The following SLC15A5 variants were observed in gnomAD, a reference collection of about 807,000 sequenced individuals.
The protein encoded by SLC15A5 is Peptide/histidine transporter ENSP00000340402.
Under a neutral mutation model 56.1 loss-of-function variants are expected in SLC15A5, and 58 were observed. That is an observed-to-expected ratio of 1.03 (90% CI 0.84 to 1.29). The LOEUF (loss-of-function observed/expected upper bound fraction) is 1.29, where lower values mean the gene tolerates loss of function less well. Ranked by LOEUF, SLC15A5 falls within the 50% of genes most tolerant of loss-of-function variation. SLC15A5 has a pLI of 0.00. For missense variants in SLC15A5, 681 were observed against 672.1 expected (o/e 1.01, Z -0.15); for synonymous variants, 264 against 250.5 (o/e 1.05, Z -0.51).
At chr12:16,265,260 C>A (rs2136816857) in intron 2 of SLC15A5, among the ~76,000 whole-genome samples, 1 of 152,114 alleles carries the variant, frequency 6.6e-6, no homozygotes, top group African/African-American at 2.4e-5. Context: ...ATGGTGGTAG[C>A]AAAGAAAAGA....
intron 3 of SLC15A5, among the ~76,000 whole-genome samples, chr12:16,249,973 A>G (rs1483024483): frequency 6.6e-6 from 1 of 151,996 alleles, no homozygotes; most frequent in Non-Finnish European, 1.5e-5. Context: ...CTAGGAGGAC[A>G]TGTACTGCTA....
chr12:16,211,788 T>A (rs1414265023), intron 7 of SLC15A5, among the ~76,000 whole-genome samples: 6 of 152,272 alleles, frequency 3.9e-5, no homozygotes, highest in African/African-American at 1.2e-4. Flanking sequence ...TTTAAAGCAC[T>A]CAGAGTTAGA....
chr12:16,189,634 T>C lies in SLC15A5; in HGVS notation c.*34A>G, dbSNP rs1863821020. The C allele has an allele frequency of 7.1e-7, 1 of 1,416,858 alleles. No homozygotes were observed. The highest frequency in any genetic ancestry group is 9.2e-7 in the Non-Finnish European group (1 of 1,086,722). The allele number at this position is 1,416,858 out of a possible 1,614,324, so 87.8% of individuals were successfully genotyped here. A position where few individuals can be genotyped will look rare whatever the true frequency, so the allele number is the denominator to read the frequency against. Reference sequence around the variant, plus strand: ...AACTGAAGAAGAAAACAATGAATACTGTTCTCATAAGACAGGTAGACTCAA... The same window carrying C: ...AACTGAAGAAGAAAACAATGAATACCGTTCTCATAAGACAGGTAGACTCAA... On this transcript the variant is annotated 3_prime_UTR_variant, in exon 9 of 9. Transcript: ENST00000344941.
In SLC15A5 at chr12:16,271,419, T is replaced by TG; in HGVS notation, c.584+1141_584+1142insC. Among the ~76,000 whole-genome samples, 1 of 152,184 alleles carries TG rather than the reference T, an allele frequency of 6.6e-6. No homozygotes were observed. The highest frequency in any genetic ancestry group is 6.6e-5 in the Admixed American group (1 of 15,260). ...AATAAAAAAGAAGGATTTTTCTTTC[T>TG]CCTTTGGGCAGGTCAAGGAGGCAGA... On this transcript the variant is annotated intron_variant, in intron 2 of 8. Transcript: ENST00000344941. The surrounding 1 kb of genome is among the most constrained non-coding windows in gnomAD (Gnocchi z 8.0).
intron 8 of SLC15A5, among the ~76,000 whole-genome samples, chr12:16,193,476 A>T (rs1488597045): frequency 6.6e-6 from 1 of 151,988 alleles, no homozygotes; most frequent in Admixed American, 6.6e-5. Context: ...CACCTATCAC[A>T]TGGCTGATGT....
chr12:16,233,709 T>C (rs1565665732), intron 5 of SLC15A5, among the ~76,000 whole-genome samples: 1 of 152,324 alleles, frequency 6.6e-6, no homozygotes, highest in East Asian at 1.9e-4. Flanking sequence ...TGGGCCACTT[T>C]CTTTGTCTTT....
Position 16,209,959 on chromosome 12 carries a change from T to G in SLC15A5, c.1483+6934A>C, listed in dbSNP as rs117557891. Among the ~76,000 whole-genome samples, 417 of 152,290 alleles carry G rather than the reference T, an allele frequency of 2.7e-3. 1 individual carries two copies. The highest frequency in any genetic ancestry group is 4.6e-3 in the Non-Finnish European group (312 of 68,020). ...GGTGTTTTGTATGTTACCATTCTTA[T>G]AGCATTCAAGTAAAAGTAAAATCCC... On this transcript the variant is annotated intron_variant, in intron 7 of 8. Coordinates refer to ENST00000344941, the MANE Select transcript of SLC15A5 (RefSeq NM_001170798.1).
chr12:16,233,056 G>A (rs538198013), intron 5 of SLC15A5, among the ~76,000 whole-genome samples: 1 of 152,148 alleles, frequency 6.6e-6, no homozygotes, highest in Non-Finnish European at 1.5e-5. Context: ...AGTAATTTAA[G>A]TTGCTTTCTT....
At chr12:16,199,042 C>G (rs1169550537) in intron 7 of SLC15A5, among the ~76,000 whole-genome samples, 1 of 151,986 alleles carries the variant, frequency 6.6e-6, no homozygotes, top group Non-Finnish European at 1.5e-5. Flanking sequence ...CTGCACTCCA[C>G]CCGGGTCTCA....
chr12:16,193,006 G>T (rs1056615664), intron 8 of SLC15A5, among the ~76,000 whole-genome samples: 1 of 152,036 alleles, frequency 6.6e-6, no homozygotes, highest in African/African-American at 2.4e-5. Context: ...TTTTATGAAA[G>T]ACAAGGATCA....
At chr12:16,255,591 T>C (rs1298218014) in intron 3 of SLC15A5, among the ~76,000 whole-genome samples, 5 of 152,072 alleles carry the variant, frequency 3.3e-5, no homozygotes, top group Admixed American at 2.0e-4. Context: ...ATATTACTTC[T>C]AGGAATCTAT....
At chr12:16,209,657 A>G (rs1864059787) in intron 7 of SLC15A5, among the ~76,000 whole-genome samples, 3 of 152,142 alleles carry the variant, frequency 2.0e-5, no homozygotes, top group African/African-American at 7.2e-5. Flanking sequence ...CTCATGGCAG[A>G]AACTGGAATG....
chr12:16,249,535 T>C (rs1176897056), intron 3 of SLC15A5, among the ~76,000 whole-genome samples: 1 of 152,094 alleles, frequency 6.6e-6, no homozygotes, highest in African/African-American at 2.4e-5. Flanking sequence ...TGCTAATTGT[T>C]CCTGTAGCTA....
intron 6 of SLC15A5, among the ~76,000 whole-genome samples, chr12:16,223,035 A>G (rs1864202496): frequency 6.6e-6 from 1 of 152,202 alleles, no homozygotes; most frequent in Non-Finnish European, 1.5e-5. Flanking sequence ...TTATAAAAAA[A>G]GAAGTCTGAG....
intron 2 of SLC15A5, among the ~76,000 whole-genome samples, chr12:16,266,569 G>A (rs1165487102): frequency 6.6e-6 from 1 of 152,056 alleles, no homozygotes; most frequent in Non-Finnish European, 1.5e-5. Flanking sequence ...GAATTACCTA[G>A]TACAGTCATG....
intron 6 of SLC15A5, among the ~76,000 whole-genome samples, chr12:16,223,678 C>A (rs1193666970): frequency 6.6e-6 from 1 of 151,488 alleles, no homozygotes; most frequent in Non-Finnish European, 1.5e-5. Context: ...TTTATATACT[C>A]TCAAAGAACA....
chr12:16,215,266 G>T (rs960641893), intron 7 of SLC15A5, among the ~76,000 whole-genome samples: 1 of 142,570 alleles, frequency 7.0e-6, no homozygotes, highest in Non-Finnish European at 1.5e-5. Flanking sequence ...ACTTAGCCAA[G>T]ATTGTTTGGT....
rs571815493 is a variant in SLC15A5 at position 16,196,338 on chromosome 12, A to G, written c.1484-1885T>C. On this transcript the variant is annotated intron_variant, in intron 7 of 8. Coordinates refer to ENST00000344941, the MANE Select transcript of SLC15A5 (RefSeq NM_001170798.1). This position sits in a 1 kb window ranked among gnomAD's most constrained non-coding sequence, Gnocchi z 4.0. ...GAATGTTTCTCTATAAGTCTTGTCTATTGGATATTGTGTAGCCTTTTTGAT... is the reference window on the plus strand; with the variant it reads ...GAATGTTTCTCTATAAGTCTTGTCTGTTGGATATTGTGTAGCCTTTTTGAT... Among the ~76,000 whole-genome samples, 21 of 152,058 alleles carry G rather than the reference A, an allele frequency of 1.4e-4. 1 individual carries two copies. In the East Asian group the frequency reaches 3.1e-3, roughly 22 times the overall value.
chr12:16,251,901 A>G (rs904484527), intron 3 of SLC15A5, among the ~76,000 whole-genome samples: 1 of 152,056 alleles, frequency 6.6e-6, no homozygotes, highest in Non-Finnish European at 1.5e-5. Context: ...ATATTGATAT[A>G]AAATAGAAAC....
Sources: gnomAD v4.1 joint callset for allele counts (sites outside exome capture counted in the v4.1 genomes callset) on GRCh38, gnomAD v4.1.1 for gene constraint, Gnocchi (gnomAD v3.1) non-coding constraint, MANE v1.5 for transcripts, NCBI Gene and HGNC (gene_info 2026-07-23, HGNC 2026-07-21) for gene names.